The following HPSE2 variants were observed in gnomAD, a reference collection of about 807,000 sequenced individuals.
HPSE2 encodes heparanase 2 (inactive), also known as inactive heparanase-2.
Under a neutral mutation model 60.5 loss-of-function variants are expected in HPSE2, and 38 were observed. The observed-to-expected ratio is 0.63, with a 90% CI of 0.48 to 0.82. The LOEUF (loss-of-function observed/expected upper bound fraction) is 0.82, where lower values mean the gene tolerates loss of function less well. Ranked by LOEUF, HPSE2 falls within the 40% of genes least tolerant of loss-of-function variation. The pLI, the probability that HPSE2 is intolerant of heterozygous loss-of-function variation, is 0.00. For missense variants in HPSE2, 713 were observed against 740.4 expected, an observed-to-expected ratio of 0.96 and a Z score of 0.43; for synonymous variants, 295 against 293.2, an observed-to-expected ratio of 1.01 and a Z score of -0.06.
upstream of HPSE2, among the ~76,000 whole-genome samples, chr10:99,239,959 T>C (rs537262245): frequency 6.6e-6 from 1 of 151,698 alleles, no homozygotes; most frequent in Non-Finnish European, 1.5e-5. Flanking sequence ...GAGGTCGAGG[T>C]GGGTGGATCA....
At chr10:99,089,649 AT>A (rs1212486139) in intron 3 of HPSE2, among the ~76,000 whole-genome samples, 2 of 152,124 alleles carry the variant, frequency 1.3e-5, no homozygotes, top group Non-Finnish European at 2.9e-5. Flanking sequence ...TGCTTTAGCT[AT>A]CTGAGCTCTT....
chr10:99,182,935 G>A (rs1009938025), intron 2 of HPSE2, among the ~76,000 whole-genome samples: 3 of 152,054 alleles, frequency 2.0e-5, no homozygotes, highest in Non-Finnish European at 4.4e-5. Context: ...GGCTGAGCTT[G>A]CAGTGAGCAG....
chr10:98,762,987 C>T (rs905967450), intron 3 of HPSE2, among the ~76,000 whole-genome samples: 7 of 151,762 alleles, frequency 4.6e-5, no homozygotes, highest in Non-Finnish European at 7.4e-5. Context: ...ATAAAATATG[C>T]CTAAGAACTA....
intron 3 of HPSE2, among the ~76,000 whole-genome samples, chr10:98,936,328 T>C (rs1954788961): frequency 6.9e-6 from 1 of 143,930 alleles, no homozygotes; most frequent in Non-Finnish European, 1.5e-5. Flanking sequence ...CCTGTCTCAC[T>C]AGAGTTCCAA....
intron 9 of HPSE2, among the ~76,000 whole-genome samples, chr10:98,550,766 G>A (rs558382255): frequency 3.4e-4 from 52 of 151,646 alleles, no homozygotes; most frequent in Non-Finnish European, 6.5e-4. Flanking sequence ...GAGCCACCGC[G>A]CCTGGCCTCT....
chr10:99,108,148 T>C (rs926546781), intron 3 of HPSE2, among the ~76,000 whole-genome samples: 1 of 152,190 alleles, frequency 6.6e-6, no homozygotes, highest in African/African-American at 2.4e-5. Flanking sequence ...GCAAAGATAC[T>C]GTTATTTTGA....
the HPSE2 span, among the ~76,000 whole-genome samples, chr10:99,287,284 A>G: frequency 6.6e-6 from 1 of 152,086 alleles, no homozygotes; most frequent in African/African-American, 2.4e-5. Context: ...GAGAGCCTTC[A>G]AGTTATGATT....
chr10:98,500,714 C>G (rs1942001659), intron 9 of HPSE2, among the ~76,000 whole-genome samples: 1 of 151,512 alleles, frequency 6.6e-6, no homozygotes, highest in South Asian at 2.1e-4. Flanking sequence ...ACAAAAAATA[C>G]AAAAGATAAA....
intron 3 of HPSE2, among the ~76,000 whole-genome samples, chr10:99,053,403 TTAAAA>T (rs762148639): frequency 1.9e-4 from 29 of 152,038 alleles, no homozygotes; most frequent in Non-Finnish European, 3.4e-4. Flanking sequence ...ATTAGAAGAA[TTAAAA>T]TAAAACATTT....
intron 9 of HPSE2, among the ~76,000 whole-genome samples, chr10:98,570,857 A>C (rs1944474576): frequency 6.6e-6 from 1 of 152,194 alleles, no homozygotes. Flanking sequence ...CAATTAAAAA[A>C]ATACGATTCT....
At chr10:98,957,004 ACAGT>A in intron 3 of HPSE2, among the ~76,000 whole-genome samples, 1 of 152,170 alleles carries the variant, frequency 6.6e-6, no homozygotes, top group Non-Finnish European at 1.5e-5. Flanking sequence ...GTGCAGGAAA[ACAGT>A]CTGTTGCATT....
intron 9 of HPSE2, among the ~76,000 whole-genome samples, chr10:98,496,160 T>C (rs1941831287): frequency 1.3e-5 from 2 of 152,174 alleles, no homozygotes; most frequent in Admixed American, 1.3e-4. Context: ...TCTCAGGTCT[T>C]TTTTGAGCCT....
At chr10:98,541,982 G>A (rs1228618611) in intron 9 of HPSE2, among the ~76,000 whole-genome samples, 5 of 143,870 alleles carry the variant, frequency 3.5e-5, no homozygotes, top group Admixed American at 7.2e-5. Flanking sequence ...CTCCCAGCAC[G>A]CAGCTGGAGA....
At chr10:99,168,091 C>CTT (rs1489048020) in intron 2 of HPSE2, among the ~76,000 whole-genome samples, 5 of 38,982 alleles carry the variant, frequency 1.3e-4, no homozygotes, top group African/African-American at 2.2e-4. Context: ...CCTATTTACA[C>CTT]ACACACACAC....
chr10:98,799,691 TC>T (rs1415017898), intron 3 of HPSE2, among the ~76,000 whole-genome samples: 2 of 151,298 alleles, frequency 1.3e-5, no homozygotes, highest in Non-Finnish European at 2.9e-5. Flanking sequence ...GACAAGTAAG[TC>T]CATGAAGGAA....
intron 2 of HPSE2, among the ~76,000 whole-genome samples, chr10:99,181,406 A>G (rs1274283911): frequency 2.2e-5 from 1 of 45,398 alleles, no homozygotes; most frequent in African/African-American, 3.6e-5. Flanking sequence ...TCAAAAAAAA[A>G]AAAAAAAAAA....
intron 3 of HPSE2, among the ~76,000 whole-genome samples, chr10:98,897,947 T>C (rs1194924523): frequency 6.6e-6 from 1 of 151,972 alleles, no homozygotes; most frequent in Non-Finnish European, 1.5e-5. Context: ...ATATACCTGA[T>C]AAAAGACTTA....
intron 3 of HPSE2, among the ~76,000 whole-genome samples, chr10:99,022,808 C>T (rs1051187327): frequency 6.6e-6 from 1 of 152,120 alleles, no homozygotes; most frequent in East Asian, 1.9e-4. Flanking sequence ...TACCTGCTAA[C>T]TGAAGAGCCT....
At chr10:98,933,364 A>G (rs1279288745) in intron 3 of HPSE2, among the ~76,000 whole-genome samples, 1 of 144,218 alleles carries the variant, frequency 6.9e-6, no homozygotes. Flanking sequence ...GGAGTGTTTT[A>G]CTTCCAATTA....
Sources: allele counts gnomAD v4.1 joint callset (sites outside exome capture counted in the v4.1 genomes callset), GRCh38; gene constraint gnomAD v4.1.1; transcripts MANE v1.5; gene names NCBI Gene and HGNC (gene_info 2026-07-23, HGNC 2026-07-21).